The following MB21D2 variants were observed in gnomAD, a reference collection of about 807,000 sequenced individuals.
The protein encoded by MB21D2 is Mab-21 domain containing 2.
A neutral mutation model predicts 33.3 loss-of-function variants in MB21D2; 9 were observed. The observed-to-expected ratio is 0.27, with a 90% CI of 0.16 to 0.47. The LOEUF (loss-of-function observed/expected upper bound fraction) is 0.47. MB21D2 is among the 20% of genes least tolerant of loss of function. The pLI, the probability that MB21D2 is intolerant of heterozygous loss-of-function variation, is 0.99. For synonymous variants in MB21D2, 241 were observed against 236.3 expected, an observed-to-expected ratio of 1.02 and a Z score of -0.18; for missense variants, 540 against 624.6, an observed-to-expected ratio of 0.86 and a Z score of 1.44.
intron 1 of MB21D2, among the ~76,000 whole-genome samples, chr3:192,867,804 G>C (rs1335342211): frequency 6.6e-6 from 1 of 152,122 alleles, no homozygotes; most frequent in Non-Finnish European, 1.5e-5. Context: ...TTAAGAAACT[G>C]GCAGCTTCCA....
chr3:192,840,780 G>A (rs1361742333), intron 1 of MB21D2, among the ~76,000 whole-genome samples: 1 of 152,230 alleles, frequency 6.6e-6, no homozygotes, highest in African/African-American at 2.4e-5. Context: ...AGACCAGGAA[G>A]ATGAGGTTTT....
At position 192,901,240 on chromosome 3, in the gene MB21D2, T is replaced by G. The variant is rs555552082; in HGVS notation, c.211+16390A>C. Among the ~76,000 whole-genome samples, 3 of 152,180 alleles carry G rather than the reference T, an allele frequency of 2.0e-5. No homozygotes were observed. In the South Asian group the frequency reaches 6.2e-4, roughly 32 times the overall value. On this transcript the variant is annotated intron_variant, in intron 1 of 1. Coordinates refer to ENST00000392452, the MANE Select transcript of MB21D2 (RefSeq NM_178496.4). The stretch of plus-strand genomic sequence containing the variant: ...GTTCTACATTGTCCAGATAGTTCAC[T>G]ATTCCATAGAGAAATGAATGTTTCC...
intron 1 of MB21D2, among the ~76,000 whole-genome samples, chr3:192,818,453 C>T (rs1289738241): frequency 6.6e-6 from 1 of 152,152 alleles, no homozygotes; most frequent in Non-Finnish European, 1.5e-5. Context: ...AAAAAATGTA[C>T]TCAAACACAG....
At chr3:192,841,097 G>A (rs189680177) in intron 1 of MB21D2, among the ~76,000 whole-genome samples, 10 of 152,310 alleles carry the variant, frequency 6.6e-5, no homozygotes, top group Admixed American at 1.3e-4. Flanking sequence ...CTTAAAAAAG[G>A]AGGAGAGGGC....
chr3:192,808,852 G>A (rs991871687), intron 1 of MB21D2, among the ~76,000 whole-genome samples: 2 of 152,206 alleles, frequency 1.3e-5, no homozygotes, highest in African/African-American at 4.8e-5. Context: ...CCCTGCTGCT[G>A]TCACATCCTC....
chr3:192,898,642 C>A (rs1455915379), intron 1 of MB21D2, among the ~76,000 whole-genome samples: 1 of 152,108 alleles, frequency 6.6e-6, no homozygotes, highest in Non-Finnish European at 1.5e-5. Flanking sequence ...TGTTGATCTG[C>A]TTTTCAGGCA....
At chr3:192,881,622 T>C (rs990676321) in intron 1 of MB21D2, among the ~76,000 whole-genome samples, 4 of 152,084 alleles carry the variant, frequency 2.6e-5, no homozygotes, top group African/African-American at 7.3e-5. Flanking sequence ...CAGGTGTTTG[T>C]CTCAGAAGCT....
At chr3:192,854,834 A>C (rs993431745) in intron 1 of MB21D2, among the ~76,000 whole-genome samples, 1 of 152,248 alleles carries the variant, frequency 6.6e-6, no homozygotes, top group African/African-American at 2.4e-5. Context: ...AGGCTAGATA[A>C]CAACACATCT....
intron 1 of MB21D2, among the ~76,000 whole-genome samples, chr3:192,860,277 T>C (rs1357467571): frequency 6.6e-6 from 1 of 152,332 alleles, no homozygotes; most frequent in South Asian, 2.1e-4. Flanking sequence ...ATTTTCTACA[T>C]CCAGTTCAGA....
intron 1 of MB21D2, among the ~76,000 whole-genome samples, chr3:192,851,544 G>A (rs1362902080): frequency 1.4e-5 from 2 of 143,728 alleles, no homozygotes; most frequent in African/African-American, 5.2e-5. Context: ...GCCCAGGCTG[G>A]AGTGCAGTGC....
intron 1 of MB21D2, among the ~76,000 whole-genome samples, chr3:192,916,679 G>T (rs1714472889): frequency 6.6e-6 from 1 of 152,202 alleles, no homozygotes; most frequent in Non-Finnish European, 1.5e-5. Context: ...TAATCCCAAC[G>T]GCAGGACACC....
chr3:192,864,080 A>G (rs1713110101), intron 1 of MB21D2, among the ~76,000 whole-genome samples: 1 of 152,202 alleles, frequency 6.6e-6, no homozygotes, highest in South Asian at 2.1e-4. Flanking sequence ...CAGAGGTATG[A>G]AAAAGTGAAG....
At chr3:192,834,317 A>C (rs1245444651) in intron 1 of MB21D2, among the ~76,000 whole-genome samples, 3 of 139,202 alleles carry the variant, frequency 2.2e-5, no homozygotes, top group East Asian at 4.1e-4. Flanking sequence ...ACTGCATCTC[A>C]AAAAAAAAAA....
intron 1 of MB21D2, among the ~76,000 whole-genome samples, chr3:192,909,893 G>A (rs1367416513): frequency 3.0e-5 from 4 of 131,564 alleles, no homozygotes; most frequent in Admixed American, 8.8e-5. Context: ...GATTGAGATC[G>A]GCCACTGCTC....
intron 1 of MB21D2, among the ~76,000 whole-genome samples, chr3:192,842,474 C>T (rs916058012): frequency 2.6e-5 from 4 of 152,146 alleles, no homozygotes; most frequent in African/African-American, 7.2e-5. Flanking sequence ...ATATTGTAGA[C>T]GTTATAGACA....
rs142296779 is a variant in MB21D2, at chr3:192,798,533, G to A, written c.1329C>T (p.Asp443=). The part of the protein sequence containing the change: ...STTSIPSPQS[D]GGDPNQPDDR... ...CATCAGGCTGGTTGGGGTCCCCTCC[G>A]TCAGACTGTGGAGAGGGGATGCTGG... Residue 443 remains aspartate, a synonymous_variant, in exon 2 of 2, where the codon GAC becomes GAT. Coordinates refer to ENST00000392452, the MANE Select transcript of MB21D2 (RefSeq NM_178496.4). The surrounding 1 kb of genome is among the most constrained non-coding windows in gnomAD (Gnocchi z 4.8). 4.0e-5 allele frequency: 65 copies of A among 1,614,052 alleles called. No homozygotes were observed. Among genetic ancestry groups the A allele is most frequent in the Admixed American group, 8.3e-5 (5 of 59,990 alleles).
At chr3:192,894,868 T>C (rs1305552391) in intron 1 of MB21D2, among the ~76,000 whole-genome samples, 1 of 152,082 alleles carries the variant, frequency 6.6e-6, no homozygotes, top group Non-Finnish European at 1.5e-5. Context: ...TTTTCTCACC[T>C]CATCACAACA....
At chr3:192,913,510 A>C (rs762446685) in intron 1 of MB21D2, among the ~76,000 whole-genome samples, 29 of 152,168 alleles carry the variant, frequency 1.9e-4, no homozygotes, top group Admixed American at 1.6e-3. Context: ...AACAATGCTT[A>C]CTGTTATCCA....
intron 1 of MB21D2, among the ~76,000 whole-genome samples, chr3:192,816,191 T>C (rs539231926): frequency 2.7e-5 from 4 of 149,880 alleles, no homozygotes; most frequent in Admixed American, 6.6e-5. Flanking sequence ...TATAGTGAAG[T>C]GGCAAAAAGA....
Sources: gnomAD v4.1 joint callset for allele counts (sites outside exome capture counted in the v4.1 genomes callset) on GRCh38, gnomAD v4.1.1 for gene constraint, Gnocchi (gnomAD v3.1) non-coding constraint, MANE v1.5 for transcripts, NCBI Gene and HGNC (gene_info 2026-07-23, HGNC 2026-07-21) for gene names.